Variants in TUBGCP3 observed in about 807,000 individuals in gnomAD.
TUBGCP3 encodes tubulin gamma complex component 3.
Under a neutral mutation model 123.1 loss-of-function variants are expected in TUBGCP3, and 50 were observed. The observed-to-expected ratio is 0.41, with a 90% CI of 0.32 to 0.51. The LOEUF (loss-of-function observed/expected upper bound fraction) is 0.51, where lower values mean the gene tolerates loss of function less well. Ranked by LOEUF, TUBGCP3 falls within the 20% of genes least tolerant of loss-of-function variation. The pLI, the probability that TUBGCP3 is intolerant of heterozygous loss-of-function variation, is 0.36. For synonymous variants in TUBGCP3, 405 were observed against 413.9 expected (o/e 0.98, Z 0.26); for missense variants, 882 against 1,127.0 (o/e 0.78, Z 3.11).
chr13:112,523,579 T>C (rs1876804291), intron 13 of TUBGCP3, among the ~76,000 whole-genome samples: 1 of 152,082 alleles, frequency 6.6e-6, no homozygotes, highest in Non-Finnish European at 1.5e-5. Flanking sequence ...GGGCATGGGG[T>C]TCTATTTCCA....
chr13:112,554,815 C>A, intron 7 of TUBGCP3, 72 bp downstream of exon 7: 2 of 1,072,700 alleles, frequency 1.9e-6, no homozygotes, highest in South Asian at 1.5e-5. Flanking sequence ...TATCAATCAA[C>A]AGCCACTATC....
At chr13:112,591,839 G>A (rs888854632), upstream of TUBGCP3, among the ~76,000 whole-genome samples, 1 of 152,162 alleles carries the variant, frequency 6.6e-6, no homozygotes, top group Admixed American at 6.5e-5. Flanking sequence ...ACTCAATATC[G>A]GGATGGCATA....
intron 11 of TUBGCP3, among the ~76,000 whole-genome samples, chr13:112,538,675 C>T (rs530456899): frequency 5.3e-5 from 8 of 152,126 alleles, no homozygotes; most frequent in African/African-American, 1.9e-4. Context: ...ATATTTTGCA[C>T]TTTTATTATA....
intron 1 of TUBGCP3, among the ~76,000 whole-genome samples, chr13:112,585,900 T>C (rs1454142744): frequency 1.3e-5 from 2 of 151,942 alleles, no homozygotes; most frequent in African/African-American, 4.8e-5. Context: ...TTCAGTCTCT[T>C]AGAAGGGACA....
intron 21 of TUBGCP3, among the ~76,000 whole-genome samples, chr13:112,489,167 A>AT (rs1215922059): frequency 7.6e-6 from 1 of 130,772 alleles, no homozygotes; most frequent in East Asian, 2.3e-4. Context: ...AGGTCCCCAC[A>AT]CCCACCACAG....
intron 11 of TUBGCP3, chr13:112,544,915 C>G (rs1043288160): frequency 4.6e-5 from 7 of 152,230 alleles, no homozygotes; most frequent in African/African-American, 1.7e-4. Flanking sequence ...CAATTTCATC[C>G]ATGAGAAACG....
At chr13:112,533,778 G>A (rs1299267348) in intron 11 of TUBGCP3, among the ~76,000 whole-genome samples, 1 of 147,804 alleles carries the variant, frequency 6.8e-6, no homozygotes. Context: ...AGATAAAGCA[G>A]AGTTCTTTCT....
At chr13:112,487,646 C>T (rs1355636859) in intron 21 of TUBGCP3, among the ~76,000 whole-genome samples, 1 of 152,146 alleles carries the variant, frequency 6.6e-6, no homozygotes, top group East Asian at 1.9e-4. Flanking sequence ...GTACAAATAA[C>T]ATGAGTTCAA....
At chr13:112,590,429 G>A (rs542058955), upstream of TUBGCP3, among the ~76,000 whole-genome samples, 8 of 152,086 alleles carry the variant, frequency 5.3e-5, no homozygotes, top group South Asian at 1.7e-3. Flanking sequence ...ATAATGCAAG[G>A]AAACCTTGAC....
At chr13:112,521,074 T>C (rs1159414652) in intron 14 of TUBGCP3, among the ~76,000 whole-genome samples, 1 of 152,228 alleles carries the variant, frequency 6.6e-6, no homozygotes, top group Non-Finnish European at 1.5e-5. Flanking sequence ...ACACCATCAG[T>C]GTCCTCCAAA....
upstream of TUBGCP3, among the ~76,000 whole-genome samples, chr13:112,593,145 G>A (rs558863685): frequency 5.3e-5 from 8 of 152,260 alleles, no homozygotes; most frequent in South Asian, 2.1e-4. Flanking sequence ...GATGCTGGGC[G>A]CGGTAGCTCA....
At chr13:112,556,411 T>C (rs914851466) in intron 5 of TUBGCP3, among the ~76,000 whole-genome samples, 187 bp from the exon 6 acceptor site, 6 of 152,190 alleles carry the variant, frequency 3.9e-5, no homozygotes, top group African/African-American at 1.4e-4. Context: ...TTGAACTTGG[T>C]CAAGCCTCCT....
intron 17 of TUBGCP3, among the ~76,000 whole-genome samples, chr13:112,513,646 T>C (rs566340277): frequency 6.6e-6 from 1 of 152,214 alleles, no homozygotes; most frequent in Admixed American, 6.5e-5. Context: ...TAGCAGGACA[T>C]TTCTAACGCG....
At chr13:112,569,313 C>T in intron 1 of TUBGCP3, 54 bp from the exon 2 acceptor site, 2 of 1,549,486 alleles carry the variant, frequency 1.3e-6, no homozygotes, top group South Asian at 2.3e-5. Flanking sequence ...ACGTTCTGGT[C>T]ACCTGAAGCT....
chr13:112,503,955 T>C (rs1881102017), intron 19 of TUBGCP3, 77 bp downstream of exon 19: 3 of 1,510,818 alleles, frequency 2.0e-6, no homozygotes, highest in Non-Finnish European at 2.7e-6. Context: ...ATTTCTAAGA[T>C]TCCCCCATTT....
At chr13:112,506,752 A>G (rs2139011450) in intron 17 of TUBGCP3, among the ~76,000 whole-genome samples, 1 of 152,356 alleles carries the variant, frequency 6.6e-6, no homozygotes, top group Non-Finnish European at 1.5e-5. Flanking sequence ...ATTTCAAATC[A>G]AATAATACTC....
At chr13:112,576,104 A>C (rs993419749) in intron 1 of TUBGCP3, among the ~76,000 whole-genome samples, 2 of 152,234 alleles carry the variant, frequency 1.3e-5, no homozygotes, top group Non-Finnish European at 1.5e-5. Context: ...ATATCACTAT[A>C]TTACATCTTC....
chr13:112,494,372 T>C (rs755459589), intron 20 of TUBGCP3, among the ~76,000 whole-genome samples: 1 of 152,240 alleles, frequency 6.6e-6, no homozygotes, highest in African/African-American at 2.4e-5. Context: ...TCACCAGCAT[T>C]TGTTGGTGTA....
At chr13:112,554,287 T>A in intron 7 of TUBGCP3, 105 bp from the exon 8 acceptor site, 1 of 1,338,698 alleles carries the variant, frequency 7.5e-7, no homozygotes, top group South Asian at 1.4e-5. Context: ...ATCCTTAGGC[T>A]TCAAGACATA....
Sources: allele counts gnomAD v4.1 joint callset (sites outside exome capture counted in the v4.1 genomes callset), GRCh38; gene constraint gnomAD v4.1.1; transcripts MANE v1.5; gene names NCBI Gene and HGNC (gene_info 2026-07-23, HGNC 2026-07-21).